NBL1: variants seen among roughly 807,000 people sequenced by gnomAD.
The protein encoded by NBL1 is neuroblastoma suppressor of tumorigenicity 1.
NBL1 carries 9 observed loss-of-function variants against 16.0 expected under a neutral mutation model. That is an observed-to-expected ratio of 0.56 (90% CI 0.34 to 0.98). The LOEUF is 0.98. Ranked by LOEUF, NBL1 falls within the 50% of genes least tolerant of loss-of-function variation. The probability of loss-of-function intolerance (pLI) is 0.02; values close to 1 mark genes in which losing one functional copy is unlikely to be tolerated. For missense variants in NBL1, 196 were observed against 243.1 expected, an observed-to-expected ratio of 0.81 and a Z score of 1.29; for synonymous variants, 86 against 100.7, an observed-to-expected ratio of 0.85 and a Z score of 0.87.
chr1:19,651,221 C>T (rs188681333), intron 1 of NBL1, among the ~76,000 whole-genome samples: 60 of 152,334 alleles, frequency 3.9e-4, no homozygotes, highest in African/African-American at 1.4e-3. Context: ...AGGGTCCACG[C>T]TTCCAGGGGG....
At chr1:19,652,893 C>T (rs537899037) in intron 1 of NBL1, among the ~76,000 whole-genome samples, 1 of 152,182 alleles carries the variant, frequency 6.6e-6, no homozygotes, top group East Asian at 1.9e-4. Flanking sequence ...GAGGCTGAGG[C>T]AGGAGAATCA....
intron 1 of NBL1, chr1:19,647,603 C>T: frequency 1.0e-6 from 1 of 985,340 alleles, no homozygotes; most frequent in Non-Finnish European, 1.2e-6. Context: ...TTGAAAGCCA[C>T]CAGCCACAAA....
rs1355746607 is a variant in NBL1, at chr1:19,655,483, C to T, written c.282+48C>T. ...ACCCAGTCTCGGCCCGGAGCCTGCC[C>T]CAGCCTTGGCCTTTCTCCCCAGGCT... is the stretch of plus-strand genomic sequence containing the variant. On this transcript the variant is annotated intron_variant, in intron 3 of 3. Coordinates refer to ENST00000375136, the MANE Select transcript of NBL1 (RefSeq NM_005380.8). 9 of 1,593,288 alleles carry T rather than the reference C, an allele frequency of 5.6e-6. No individual in the cohort carries two copies. The South Asian group carries it at 7.9e-5, about 14-fold the overall frequency.
intron 2 of NBL1, 36 bp downstream of exon 2, chr1:19,655,236 G>T: frequency 1.2e-6 from 2 of 1,606,462 alleles, no homozygotes; most frequent in Non-Finnish European, 1.7e-6. Context: ...GATGCGGACA[G>T]GGGTCCAAGG....
At position 19,657,095 on chromosome 1, in the gene NBL1, C is replaced by T. The variant is rs1454007981; in HGVS notation, c.512C>T (p.Ala171Val). 3 of 1,447,368 alleles carry T rather than the reference C, an allele frequency of 2.1e-6. No homozygotes were observed. The highest frequency in any genetic ancestry group is 2.8e-5 in the East Asian group (1 of 36,246). 89.7% of individuals were successfully genotyped at this position (1,447,368 alleles called of 1,614,324 possible). Residue 171 changes from alanine (A) to valine (V), a missense_variant, in exon 4 of 4, where the codon GCC becomes GTC. By Grantham distance (64) the Ala-to-Val change is moderately conservative (BLOSUM62 0). Coordinates refer to ENST00000375136, the MANE Select transcript of NBL1 (RefSeq NM_005380.8). ...QTPEPEDPPG[A>V]PHTEEEGAED ...CCTGAGCCCGAGGACCCCCCTGGGG[C>T]CCCCCACACAGAGGAAGAGGGGGCT...
At position 19,647,914 on chromosome 1, in the gene NBL1, C is replaced by T. The variant is rs537672127; in HGVS notation, c.-20+3468C>T. Among the ~76,000 whole-genome samples, 22 of 151,282 alleles carry T rather than the reference C, an allele frequency of 1.5e-4. No individual in the cohort carries two copies. In the South Asian group the frequency reaches 3.1e-3, roughly 22 times the overall value. The stretch of plus-strand genomic sequence containing the variant: ...GCGCGCGTGTGTGTGCGTGCTTGTG[C>T]GGATGTACATTTTCTTGTGCATATA... On this transcript the variant is annotated intron_variant, in intron 1 of 3. Coordinates refer to ENST00000375136, the MANE Select transcript of NBL1 (RefSeq NM_005380.8).
Position 19,655,432 on chromosome 1 carries a change from G to T in NBL1, c.279G>T (p.Glu93Asp), listed in dbSNP as rs757056467. Reference sequence around the variant, plus strand: ...GCATGCCAGCCCAGTCCATGTGGGAGATTGTGAGTACTGCCTGCCTGCCCC... The same window carrying T: ...GCATGCCAGCCCAGTCCATGTGGGATATTGTGAGTACTGCCTGCCTGCCCC... Reference protein sequence around the residue: ...DSCMPAQSMWEIVTLECPGHE... With the variant: ...DSCMPAQSMWDIVTLECPGHE... The change falls in exon 3 of 4, where the codon GAG (glutamate) becomes GAT (aspartate). Residue 93 changes from glutamate (E) to aspartate (D), a missense_variant. Transcript: ENST00000375136. 1 of 1,614,004 alleles carries T rather than the reference G, an allele frequency of 6.2e-7. No individual in the cohort carries two copies. The highest frequency in any genetic ancestry group is 1.3e-5 in the African/African-American group (1 of 75,046).
rs1351255134 is a variant in NBL1, at chr1:19,644,325, G to T, written c.-141G>T. 1 of 979,386 alleles carries T rather than the reference G, an allele frequency of 1.0e-6. No individual in the cohort carries two copies. The highest frequency in any genetic ancestry group is 1.2e-6 in the Non-Finnish European group (1 of 827,538). 60.7% of individuals were successfully genotyped at this position (979,386 alleles called of 1,614,324 possible). ...CGCCCGGGGCCGCAGACAGCGCGCA[G>T]CGCAGCCCAGCCGAGCGTCGCGGGG... On this transcript the variant is annotated 5_prime_UTR_variant, in exon 1 of 4. Coordinates refer to ENST00000375136, the MANE Select transcript of NBL1 (RefSeq NM_005380.8). This position sits in a 1 kb window ranked among gnomAD's most constrained non-coding sequence, Gnocchi z 4.6.
chr1:19,650,734 G>A (rs1469284005), intron 1 of NBL1, among the ~76,000 whole-genome samples: 1 of 150,168 alleles, frequency 6.7e-6, no homozygotes, highest in African/African-American at 2.5e-5. Context: ...TACGATCGCT[G>A]CTTAAAAAAA....
chr1:19,650,514 C>T (rs1484658049), intron 1 of NBL1, among the ~76,000 whole-genome samples: 1 of 152,218 alleles, frequency 6.6e-6, no homozygotes, highest in African/African-American at 2.4e-5. Flanking sequence ...AACTGCAGGG[C>T]CCTGAACGGC....
At chr1:19,647,935 A>G (rs2094994175) in intron 1 of NBL1, among the ~76,000 whole-genome samples, 1 of 152,042 alleles carries the variant, frequency 6.6e-6, no homozygotes, top group Non-Finnish European at 1.5e-5. Flanking sequence ...TTTCTTGTGC[A>G]TATATAGGCA....
intron 1 of NBL1, chr1:19,645,824 C>G (rs2094976062): frequency 6.8e-7 from 1 of 1,476,768 alleles, no homozygotes; most frequent in Admixed American, 2.2e-5. Context: ...GATATCGCCT[C>G]ATTATTTTAA....
At chr1:19,644,197 C>T (rs2094963359), upstream of NBL1, 1 of 978,538 alleles carries the variant, frequency 1.0e-6, no homozygotes. This position sits in a 1 kb window ranked among gnomAD's most constrained non-coding sequence, Gnocchi z 4.6. Context: ...CGCGCGCGCC[C>T]GCCCGCTCTT....
chr1:19,649,218 G>A (rs1456473880), intron 1 of NBL1, among the ~76,000 whole-genome samples: 1 of 152,082 alleles, frequency 6.6e-6, no homozygotes, highest in Non-Finnish European at 1.5e-5. Context: ...TGGCCTCTCT[G>A]TGCCTCAGTT....
intron 1 of NBL1, among the ~76,000 whole-genome samples, chr1:19,652,993 AATAG>A (rs997556349): frequency 7.0e-6 from 1 of 143,798 alleles, no homozygotes; most frequent in African/African-American, 2.6e-5. Flanking sequence ...GTCTCAAAAA[AATAG>A]ATAAGTAAGG....
chr1:19,654,978 C>T lies in NBL1; in HGVS notation c.-19-34C>T, dbSNP rs377330810. The T allele has an allele frequency of 5.6e-5, 85 of 1,529,820 alleles. No individual in the cohort carries two copies. The African/African-American group carries it at 8.2e-4, about 15-fold the overall frequency. The allele number at this position is 1,529,820 out of a possible 1,614,324, so 94.8% of individuals were successfully genotyped here. ...CCACTACCCGGCCCCCTGCACCTTG[C>T]TGTGCCTCACCTGGCACCTGTGCTC... On this transcript the variant is annotated intron_variant, in intron 1 of 3. Coordinates refer to ENST00000375136, the MANE Select transcript of NBL1 (RefSeq NM_005380.8).
At chr1:19,651,319 G>C (rs2095024332) in intron 1 of NBL1, among the ~76,000 whole-genome samples, 1 of 152,154 alleles carries the variant, frequency 6.6e-6, no homozygotes, top group South Asian at 2.1e-4. Context: ...AGGGCCTGGT[G>C]GGTTGGGTTA....
In NBL1 at chr1:19,644,321, C is replaced by T; in HGVS notation, c.-145C>T. On this transcript the variant is annotated 5_prime_UTR_variant, in exon 1 of 4. Coordinates refer to ENST00000375136, the MANE Select transcript of NBL1 (RefSeq NM_005380.8). The surrounding 1 kb of genome is among the most constrained non-coding windows in gnomAD (Gnocchi z 4.6). ...CGCCCGCCCGGGGCCGCAGACAGCG[C>T]GCAGCGCAGCCCAGCCGAGCGTCGC... is the stretch of plus-strand genomic sequence containing the variant. 1 of 979,366 alleles carries T rather than the reference C, an allele frequency of 1.0e-6. No homozygotes were observed. The highest frequency in any genetic ancestry group is 1.2e-6 in the Non-Finnish European group (1 of 827,648). The allele number at this position is 979,366 out of a possible 1,614,324, so 60.7% of individuals were successfully genotyped here. A position where few individuals can be genotyped will look rare whatever the true frequency, so the allele number is the denominator to read the frequency against.
upstream of NBL1, chr1:19,643,736 C>G: frequency 4.6e-6 from 5 of 1,079,600 alleles, no homozygotes; most frequent in Non-Finnish European, 5.6e-6. The surrounding 1 kb of genome is among the most constrained non-coding windows in gnomAD (Gnocchi z 4.7). Context: ...CTAGGCAAGG[C>G]TGAGCAACCC....
Sources: gnomAD v4.1 joint callset for allele counts (sites outside exome capture counted in the v4.1 genomes callset) on GRCh38, gnomAD v4.1.1 for gene constraint, Gnocchi (gnomAD v3.1) non-coding constraint, MANE v1.5 for transcripts, NCBI Gene and HGNC (gene_info 2026-07-23, HGNC 2026-07-21) for gene names.